ZNF704: variants seen among roughly 807,000 people sequenced by gnomAD.
ZNF704 encodes glucocorticoid induced gene 1.
Under a neutral mutation model 44.7 loss-of-function variants are expected in ZNF704, and 10 were observed. The observed-to-expected ratio is 0.22, with a 90% CI of 0.14 to 0.38. The LOEUF is 0.38. Among genes scored for constraint, ZNF704 ranks in the 10% least tolerant of loss-of-function variants. ZNF704 has a pLI of 1.00. For synonymous variants in ZNF704, 211 were observed against 207.6 expected, an observed-to-expected ratio of 1.02 and a Z score of -0.14; for missense variants, 390 against 545.5, an observed-to-expected ratio of 0.71 and a Z score of 2.84.
chr8:80,650,003 A>G (rs1563504394), intron 7 of ZNF704, among the ~76,000 whole-genome samples: 1 of 152,188 alleles, frequency 6.6e-6, no homozygotes, highest in Non-Finnish European at 1.5e-5. Context: ...TTTGCTGTTC[A>G]CCAATAACCA....
rs750020983 is a variant in ZNF704, at chr8:80,630,355, C to T, written c.*11011G>A. 5 of 152,220 alleles carry T rather than the reference C, an allele frequency of 3.3e-5. No individual in the cohort carries two copies. Among genetic ancestry groups the T allele is most frequent in the Non-Finnish European group, 1.5e-5 (1 of 68,034 alleles). 9.4% of individuals were successfully genotyped at this position (152,220 alleles called of 1,614,324 possible). ...CATGTGAATGCCTGTCATTTCCACA[C>T]GAGTGTCACACAGGAAGGACTGCTG... On this transcript the variant is annotated 3_prime_UTR_variant, in exon 9 of 9. Coordinates refer to ENST00000327835, the MANE Select transcript of ZNF704 (RefSeq NM_001033723.3).
intron 2 of ZNF704, among the ~76,000 whole-genome samples, chr8:80,801,863 TA>T (rs1229038975): frequency 1.3e-5 from 2 of 151,898 alleles, no homozygotes; most frequent in Non-Finnish European, 2.9e-5. Flanking sequence ...AAAAACTCCT[TA>T]AAAAATTAAT....
intron 2 of ZNF704, among the ~76,000 whole-genome samples, chr8:80,799,807 A>G (rs1249980296): frequency 6.6e-6 from 1 of 152,202 alleles, no homozygotes; most frequent in African/African-American, 2.4e-5. Flanking sequence ...AACTGGGCTG[A>G]GGCTGAGATG....
rs142590797 is a variant in ZNF704 at position 80,738,487 on chromosome 8, G to A, written c.222-45380C>T. ...GTTCCTACTTTCTAGATAAATATAT[G>A]GCTTAAAAAAGTTAAGTACTGTACC... is the stretch of plus-strand genomic sequence containing the variant. On this transcript the variant is annotated intron_variant, in intron 2 of 8. Transcript: ENST00000327835. Among the ~76,000 whole-genome samples the A allele has an allele frequency of 5.4e-3, 822 of 152,046 alleles. 6 individuals are homozygous for A. Among genetic ancestry groups the A allele is most frequent in the African/African-American group, 0.019 (791 of 41,480 alleles).
At chr8:80,866,784 T>C (rs548397288) in intron 1 of ZNF704, among the ~76,000 whole-genome samples, 2 of 152,232 alleles carry the variant, frequency 1.3e-5, no homozygotes, top group African/African-American at 2.4e-5. Flanking sequence ...CAAACTCACA[T>C]AGGGCTGTGG....
At chr8:80,858,823 T>C (rs1460624485) in intron 1 of ZNF704, among the ~76,000 whole-genome samples, 1 of 152,246 alleles carries the variant, frequency 6.6e-6, no homozygotes, top group Non-Finnish European at 1.5e-5. Context: ...GGATATCCTC[T>C]ACATGATATG....
At chr8:80,727,808 G>A (rs749221409) in intron 2 of ZNF704, among the ~76,000 whole-genome samples, 3 of 152,110 alleles carry the variant, frequency 2.0e-5, no homozygotes, top group South Asian at 4.1e-4. Flanking sequence ...AATTAGCATC[G>A]GTATTTCTAG....
At chr8:80,755,662 GT>G (rs1172363817) in intron 2 of ZNF704, among the ~76,000 whole-genome samples, 1 of 152,136 alleles carries the variant, frequency 6.6e-6, no homozygotes, top group Non-Finnish European at 1.5e-5. Flanking sequence ...GCCTCCCCTG[GT>G]GATTTCAGCG....
At chr8:80,676,838 A>G (rs1333823553) in intron 4 of ZNF704, among the ~76,000 whole-genome samples, 4 of 152,150 alleles carry the variant, frequency 2.6e-5, no homozygotes, top group Non-Finnish European at 5.9e-5. Flanking sequence ...AATAGGGTTC[A>G]TGCTCCTATG....
At chr8:80,651,285 CATA>C (rs1486356913) in intron 7 of ZNF704, among the ~76,000 whole-genome samples, 4 of 152,178 alleles carry the variant, frequency 2.6e-5, no homozygotes, top group Non-Finnish European at 5.9e-5. Context: ...CAGCTAACAT[CATA>C]ATGACAGGAT....
At chr8:80,722,248 AAAAAC>A (rs200783364) in intron 2 of ZNF704, among the ~76,000 whole-genome samples, 4 of 151,942 alleles carry the variant, frequency 2.6e-5, no homozygotes, top group Non-Finnish European at 4.4e-5. Flanking sequence ...CCCACTCCAA[AAAAAC>A]AAAACAAAAC....
intron 4 of ZNF704, among the ~76,000 whole-genome samples, chr8:80,681,234 T>A (rs6473240): frequency 0.1 from 15,574 of 152,196 alleles, 2,699 homozygotes; most frequent in African/African-American, 0.35. Context: ...GGTAAATACA[T>A]ACCTAAGAGT....
intron 1 of ZNF704, among the ~76,000 whole-genome samples, chr8:80,871,251 C>G (rs368420839): frequency 2.0e-5 from 3 of 152,160 alleles, no homozygotes; most frequent in African/African-American, 7.2e-5. Flanking sequence ...TCAAAGATTT[C>G]ACTATCCTTT....
intron 2 of ZNF704, among the ~76,000 whole-genome samples, chr8:80,820,451 C>A (rs891332396): frequency 6.6e-6 from 1 of 151,904 alleles, no homozygotes; most frequent in Non-Finnish European, 1.5e-5. Flanking sequence ...TCAGATAAAC[C>A]CTCTTGGTTG....
At chr8:80,770,339 C>G (rs1807299861) in intron 2 of ZNF704, among the ~76,000 whole-genome samples, 1 of 152,212 alleles carries the variant, frequency 6.6e-6, no homozygotes, top group African/African-American at 2.4e-5. Context: ...CTCCATCCCT[C>G]CTTCACTCCT....
intron 5 of ZNF704, among the ~76,000 whole-genome samples, chr8:80,665,931 T>C (rs1454533001): frequency 1.3e-5 from 2 of 151,874 alleles, no homozygotes; most frequent in Non-Finnish European, 2.9e-5. Flanking sequence ...CTTTATAAAT[T>C]ACCCAGTCTC....
intron 2 of ZNF704, among the ~76,000 whole-genome samples, chr8:80,702,567 G>A (rs1303375208): frequency 6.6e-6 from 1 of 152,110 alleles, no homozygotes; most frequent in Non-Finnish European, 1.5e-5. Flanking sequence ...AGAGCCATAG[G>A]TTCTTGGCTG....
At chr8:80,807,233 T>C (rs929299913) in intron 2 of ZNF704, among the ~76,000 whole-genome samples, 1 of 152,158 alleles carries the variant, frequency 6.6e-6, no homozygotes, top group Admixed American at 6.5e-5. Flanking sequence ...AGCCTGTTCC[T>C]TACTGGTCTC....
intron 7 of ZNF704, among the ~76,000 whole-genome samples, chr8:80,652,078 C>A (rs1370446096): frequency 6.6e-6 from 1 of 152,082 alleles, no homozygotes; most frequent in Non-Finnish European, 1.5e-5. Context: ...CTGGGTACAT[C>A]ACGAAATGAA....
Sources: gnomAD v4.1 joint callset for allele counts (sites outside exome capture counted in the v4.1 genomes callset) on GRCh38, gnomAD v4.1.1 for gene constraint, MANE v1.5 for transcripts, NCBI Gene and HGNC (gene_info 2026-07-23, HGNC 2026-07-21) for gene names.